OR8J1: variants seen among roughly 807,000 people sequenced by gnomAD.
The protein encoded by OR8J1 is olfactory receptor family 8 subfamily J member 1.
For missense variants in OR8J1, 400 were observed against 373.0 expected (o/e 1.07, Z -0.60); for synonymous variants, 157 against 144.3 (o/e 1.09, Z -0.63).
chr11:56,359,906 TATAAA>T (rs1852609428), intron 1 of OR8J1, among the ~76,000 whole-genome samples: 1 of 152,210 alleles, frequency 6.6e-6, no homozygotes, highest in Non-Finnish European at 1.5e-5. Flanking sequence ...ATGCAAATGA[TATAAA>T]ATATTAATTG....
Position 56,361,234 on chromosome 11 carries a change from A to G in OR8J1, c.*37A>G, listed in dbSNP as rs1031031204. 1.3e-5 allele frequency: 11 copies of G among 848,924 alleles called. No individual in the cohort carries two copies. The highest frequency in any genetic ancestry group is 1.8e-5 in the Non-Finnish European group (11 of 607,110). 52.6% of individuals were successfully genotyped at this position (848,924 alleles called of 1,614,324 possible). ...ACAGGTAAATGAGGAGAGAGTTAAT[A>G]TAAGCTGCCATTATGTAAAAGAAAA... On this transcript the variant is annotated 3_prime_UTR_variant, in exon 2 of 2. Coordinates refer to ENST00000533152, the MANE Select transcript of OR8J1 (RefSeq NM_001005205.3).
rs1157516808 is a variant in OR8J1, at chr11:56,360,994, A to G, written c.748A>G (p.Ile250Val). Residue 250 changes from isoleucine (I) to valine (V), a missense_variant, in exon 2 of 2, where the codon ATT becomes GTT. By Grantham distance (29) the Ile-to-Val change is conservative. Transcript: ENST00000533152. Reference sequence around the variant, plus strand: ...TGCTTCACATATGATGGCAGTCACAATTTTTTATGGGACATTGCTATTCAT... The same window carrying G: ...TGCTTCACATATGATGGCAGTCACAGTTTTTTATGGGACATTGCTATTCAT... ...TCASHMMAVT[I>V]FYGTLLFMYV... 16 of 1,478,346 alleles carry G rather than the reference A, an allele frequency of 1.1e-5. No homozygotes were observed. Among genetic ancestry groups the G allele is most frequent in the South Asian group, 4.6e-5 (3 of 65,524 alleles). The allele number at this position is 1,478,346 out of a possible 1,614,324, so 91.6% of individuals were successfully genotyped here.
chr11:56,358,281 T>TA (rs151256792), intron 1 of OR8J1: 2,909 of 172,810 alleles, frequency 0.017, 96 homozygotes, highest in African/African-American at 0.066. Flanking sequence ...GAACAGCAAC[T>TA]AAAAAAAATT....
At chr11:56,355,245 T>A (rs1485196024) in intron 1 of OR8J1, among the ~76,000 whole-genome samples, 3 of 151,728 alleles carry the variant, frequency 2.0e-5, no homozygotes, top group Non-Finnish European at 4.4e-5. Context: ...TATTGTTGAC[T>A]AAAACTAGTA....
At chr11:56,354,581 T>C (rs2128133) in intron 1 of OR8J1, among the ~76,000 whole-genome samples, 15,791 of 152,242 alleles carry the variant, frequency 0.1, 1,062 homozygotes, top group Admixed American at 0.16. Flanking sequence ...TAAAAAATTA[T>C]GTCACTACTG....
chr11:56,360,364 G>A lies in OR8J1; in HGVS notation c.118G>A (p.Ala40Thr). 6.2e-7 allele frequency: 1 copy of A among 1,614,120 alleles called. No individual in the cohort carries two copies. Among genetic ancestry groups the A allele is most frequent in the Non-Finnish European group, 8.5e-7 (1 of 1,180,008 alleles). Residue 40 changes from alanine (A) to threonine (T), a missense_variant, in exon 2 of 2, where the codon GCA becomes ACA. Coordinates refer to ENST00000533152, the MANE Select transcript of OR8J1 (RefSeq NM_001005205.3). ...TCTGGTGCTCTATGGGCTGACCATG[G>A]CAGGGAACCTGGGCATCATCACCCT... ...VFLVLYGLTM[A>T]GNLGIITLTS...
chr11:56,354,579 T>C (rs1400962687), intron 1 of OR8J1, among the ~76,000 whole-genome samples: 1 of 152,148 alleles, frequency 6.6e-6, no homozygotes, highest in Non-Finnish European at 1.5e-5. Context: ...CTTAAAAAAT[T>C]ATGTCACTAC....
rs1159264585 is a variant in OR8J1, at chr11:56,361,083, C to T, written c.837C>T (p.Tyr279=). Residue 279 remains tyrosine (Y), a synonymous_variant, in exon 2 of 2, where the codon TAC becomes TAT. Coordinates refer to ENST00000533152, the MANE Select transcript of OR8J1 (RefSeq NM_001005205.3). ...ATGATAAGATGGCTTCTGTGTTTTA[C>T]ACGTTGGTAATTCCTATGCTGAATC... ...DTDDKMASVF[Y]TLVIPMLNPL... 1.3e-6 allele frequency: 2 copies of T among 1,517,364 alleles called. No homozygotes were observed. The highest frequency in any genetic ancestry group is 2.3e-5 in the East Asian group (1 of 42,732). 94.0% of individuals were successfully genotyped at this position (1,517,364 alleles called of 1,614,324 possible). A position where few individuals can be genotyped will look rare whatever the true frequency, so the allele number is the denominator to read the frequency against.
intron 1 of OR8J1, chr11:56,357,514 T>C: frequency 4.7e-6 from 4 of 849,888 alleles, no homozygotes; most frequent in South Asian, 1.3e-5. Context: ...ATTTGTCAGA[T>C]TGCTTATGGC....
chr11:56,360,426 C>T lies in OR8J1; in HGVS notation c.180C>T (p.Tyr60=). Residue 60 remains tyrosine, a synonymous_variant, in exon 2 of 2, where the codon TAC becomes TAT. Coordinates refer to ENST00000533152, the MANE Select transcript of OR8J1 (RefSeq NM_001005205.3). ...ACTCTCGACTTCAAACCCCCATGTA[C>T]TTTTTCCTGCAACATCTGGCTCTCA... The part of the protein sequence containing the change: ...SVDSRLQTPM[Y]FFLQHLALIN... 1 of 1,614,152 alleles carries T rather than the reference C, an allele frequency of 6.2e-7. No homozygotes were observed. The highest frequency in any genetic ancestry group is 8.5e-7 in the Non-Finnish European group (1 of 1,180,032).
chr11:56,357,697 C>T (rs568232303), intron 1 of OR8J1: 7 of 1,583,700 alleles, frequency 4.4e-6, no homozygotes, highest in Middle Eastern at 2.3e-4. Context: ...CAAGTGGAGG[C>T]GACTAGTGAT....
In OR8J1 at chr11:56,361,412, C is replaced by G; in HGVS notation, c.*215C>G. 4 of 386,914 alleles carry G rather than the reference C, an allele frequency of 1.0e-5. No homozygotes were observed. Among genetic ancestry groups the G allele is most frequent in the Non-Finnish European group, 1.8e-5 (4 of 219,608 alleles). The allele number at this position is 386,914 out of a possible 1,614,324, so 24.0% of individuals were successfully genotyped here. On this transcript the variant is annotated 3_prime_UTR_variant, in exon 2 of 2. Coordinates refer to ENST00000533152, the MANE Select transcript of OR8J1 (RefSeq NM_001005205.3). ...AGTTAGAAAAAAAAAATGTTATTTACCAATTCTGCCTGGGATTAAGCAGGT... is the reference window on the plus strand; with the variant it reads ...AGTTAGAAAAAAAAAATGTTATTTAGCAATTCTGCCTGGGATTAAGCAGGT...
rs1480733727 is a variant in OR8J1 at position 56,361,192 on chromosome 11, A to G, written c.946A>G (p.Met316Val). ...MTNLCYSFKT[M>V] Reference sequence around the variant, plus strand: ...AAATCTGTGCTATTCCTTTAAAACAATGTAATTTTAAACAGTACAGGTAAA... The same window carrying G: ...AAATCTGTGCTATTCCTTTAAAACAGTGTAATTTTAAACAGTACAGGTAAA... The change falls in exon 2 of 2, where the codon ATG becomes GTG. Residue 316 changes from methionine (M) to valine (V), a missense_variant. Coordinates refer to ENST00000533152, the MANE Select transcript of OR8J1 (RefSeq NM_001005205.3). 1 of 1,287,638 alleles carries G rather than the reference A, an allele frequency of 7.8e-7. No homozygotes were observed. Among genetic ancestry groups the G allele is most frequent in the African/African-American group, 1.5e-5 (1 of 65,194 alleles). 79.8% of individuals were successfully genotyped at this position (1,287,638 alleles called of 1,614,324 possible). A position where few individuals can be genotyped will look rare whatever the true frequency, so the allele number is the denominator to read the frequency against.
chr11:56,354,483 T>G (rs1203080404), intron 1 of OR8J1, among the ~76,000 whole-genome samples, 158 bp downstream of exon 1: 2 of 152,216 alleles, frequency 1.3e-5, no homozygotes, highest in African/African-American at 4.8e-5. Flanking sequence ...TTCAGATTTA[T>G]AACTGTTTTT....
In OR8J1 at chr11:56,360,859, A is replaced by T; in HGVS notation, c.613A>T (p.Thr205Ser). The change falls in exon 2 of 2, where the codon ACA becomes TCA. Residue 205 changes from threonine to serine, a missense_variant. Transcript: ENST00000533152. ...PETVVFISAA[T>S]NVVGSLIIVL... ...AACAGTTGTCTTTATATCTGCAGCA[A>T]CAAATGTGGTTGGTTCCTTGATTAT... The T allele has an allele frequency of 6.6e-7, 1 of 1,507,760 alleles. No individual in the cohort carries two copies. The highest frequency in any genetic ancestry group is 8.8e-7 in the Non-Finnish European group (1 of 1,133,542). 93.4% of individuals were successfully genotyped at this position (1,507,760 alleles called of 1,614,324 possible). A position where few individuals can be genotyped will look rare whatever the true frequency, so the allele number is the denominator to read the frequency against.
chr11:56,360,336 C>T lies in OR8J1; in HGVS notation c.90C>T (p.Val30=), dbSNP rs753333644. 2 of 1,614,038 alleles carry T rather than the reference C, an allele frequency of 1.2e-6. No individual in the cohort carries two copies. The highest frequency in any genetic ancestry group is 1.7e-6 in the Non-Finnish European group (2 of 1,179,988). The change falls in exon 2 of 2, where the codon GTC becomes GTT. Residue 30 remains valine, a synonymous_variant. Coordinates refer to ENST00000533152, the MANE Select transcript of OR8J1 (RefSeq NM_001005205.3). The part of the protein sequence containing the change: ...CPELQIPLFL[V]FLVLYGLTMA... ...AGCTCCAGATTCCCCTCTTCCTGGTCTTTCTGGTGCTCTATGGGCTGACCA... is the reference window on the plus strand; with the variant it reads ...AGCTCCAGATTCCCCTCTTCCTGGTTTTTCTGGTGCTCTATGGGCTGACCA...
At position 56,361,440 on chromosome 11, in the gene OR8J1, A is replaced by G. The variant is rs888769620; in HGVS notation, c.*243A>G. On this transcript the variant is annotated 3_prime_UTR_variant, in exon 2 of 2. Coordinates refer to ENST00000533152, the MANE Select transcript of OR8J1 (RefSeq NM_001005205.3). ...ATTCTGCCTGGGATTAAGCAGGTAG[A>G]CAGTTTGAAATAAAAATGGTTTCCA... 5.4e-6 allele frequency: 2 copies of G among 370,178 alleles called. No homozygotes were observed. The highest frequency in any genetic ancestry group is 2.1e-5 in the African/African-American group (1 of 48,086). The allele number at this position is 370,178 out of a possible 1,614,324, so 22.9% of individuals were successfully genotyped here.
rs958172569 is a variant in OR8J1, at chr11:56,360,953, A to T, written c.707A>T (p.Lys236Ile). The T allele has an allele frequency of 1.4e-6, 2 of 1,478,520 alleles. No homozygotes were observed. The highest frequency in any genetic ancestry group is 1.8e-6 in the Non-Finnish European group (2 of 1,117,964). The allele number at this position is 1,478,520 out of a possible 1,614,324, so 91.6% of individuals were successfully genotyped here. Residue 236 changes from lysine to isoleucine, a missense_variant, in exon 2 of 2, where the codon AAA (lysine) becomes ATA (isoleucine). Physicochemically the swap from Lys to Ile is moderately radical, Grantham distance 102. Transcript: ENST00000533152. ...LKICSSEGRK[K>I]AFSTCASHMM... is the part of the protein sequence containing the mutation. ...ATATGTTCATCAGAAGGAAGGAAAAAAGCCTTTTCTACCTGTGCTTCACAT... is the reference window on the plus strand; with the variant it reads ...ATATGTTCATCAGAAGGAAGGAAAATAGCCTTTTCTACCTGTGCTTCACAT...
chr11:56,360,362 T>C lies in OR8J1; in HGVS notation c.116T>C (p.Met39Thr). The change falls in exon 2 of 2, where the codon ATG becomes ACG. Residue 39 changes from methionine to threonine, a missense_variant. Coordinates refer to ENST00000533152, the MANE Select transcript of OR8J1 (RefSeq NM_001005205.3). ...TTTCTGGTGCTCTATGGGCTGACCA[T>C]GGCAGGGAACCTGGGCATCATCACC... ...LVFLVLYGLT[M>T]AGNLGIITLT... is the part of the protein sequence containing the mutation. The C allele has an allele frequency of 6.2e-7, 1 of 1,614,152 alleles. No individual in the cohort carries two copies. The highest frequency in any genetic ancestry group is 8.5e-7 in the Non-Finnish European group (1 of 1,180,018).
Sources: allele counts gnomAD v4.1 joint callset (sites outside exome capture counted in the v4.1 genomes callset), GRCh38; gene constraint gnomAD v4.1.1; transcripts MANE v1.5; gene names NCBI Gene and HGNC (gene_info 2026-07-23, HGNC 2026-07-21).